The following F13A1 variants were observed in gnomAD, a reference collection of about 807,000 sequenced individuals.
F13A1 encodes coagulation factor XIII A chain.
A neutral mutation model predicts 80.1 loss-of-function variants in F13A1; 47 were observed. The ratio of observed to expected loss-of-function variants is 0.59; its 90% CI spans 0.46 to 0.75. The LOEUF is 0.75. F13A1 is among the 30% of genes least tolerant of loss of function. The pLI is 0.00. For synonymous variants in F13A1, 349 were observed against 344.9 expected (o/e 1.01, Z -0.13); for missense variants, 817 against 930.4 (o/e 0.88, Z 1.59).
At chr6:6,229,548 A>T (rs1029103267) in intron 6 of F13A1, among the ~76,000 whole-genome samples, 2 of 152,238 alleles carry the variant, frequency 1.3e-5, no homozygotes, top group African/African-American at 4.8e-5. Flanking sequence ...AAGGATGATT[A>T]GTGTCCTTAA....
chr6:6,247,684 A>G (rs1212236680), intron 6 of F13A1, among the ~76,000 whole-genome samples: 1 of 152,208 alleles, frequency 6.6e-6, no homozygotes, highest in Non-Finnish European at 1.5e-5. Context: ...AAATGTCTAG[A>G]TTTGAAGTCA....
chr6:6,320,053 G>C (rs1424794356), intron 1 of F13A1, among the ~76,000 whole-genome samples: 1 of 152,204 alleles, frequency 6.6e-6, no homozygotes, highest in Non-Finnish European at 1.5e-5. Context: ...AGCCCCAGGT[G>C]CACGCCTGGC....
intron 7 of F13A1, among the ~76,000 whole-genome samples, chr6:6,223,018 G>T (rs577070836): frequency 6.6e-6 from 1 of 152,178 alleles, no homozygotes; most frequent in East Asian, 1.9e-4. Context: ...GTTCACCCAG[G>T]GTCTTATCAA....
intron 5 of F13A1, among the ~76,000 whole-genome samples, 169 bp from the exon 6 acceptor site, chr6:6,248,588 C>A (rs1449676071): frequency 6.6e-6 from 1 of 152,186 alleles, no homozygotes; most frequent in Non-Finnish European, 1.5e-5. Context: ...AGGAATGAGA[C>A]ATCTTCTTTT....
At chr6:6,219,636 T>A (rs962438772) in intron 8 of F13A1, among the ~76,000 whole-genome samples, 11 of 152,160 alleles carry the variant, frequency 7.2e-5, no homozygotes, top group African/African-American at 2.2e-4. Context: ...GGCTGATCTG[T>A]CTGGGGACAG....
intron 3 of F13A1, among the ~76,000 whole-genome samples, chr6:6,301,664 T>C (rs542654707): frequency 1.1e-4 from 17 of 152,318 alleles, no homozygotes; most frequent in African/African-American, 4.1e-4. Flanking sequence ...AAAGAGGACT[T>C]AAAATGTTCA....
At chr6:6,306,653 G>A (rs922566125) in intron 2 of F13A1, among the ~76,000 whole-genome samples, 5 of 152,236 alleles carry the variant, frequency 3.3e-5, no homozygotes, top group Non-Finnish European at 7.3e-5. Context: ...AAGAGTTATT[G>A]GGGAGAAGGT....
Position 6,174,823 on chromosome 6 carries a change from C to T in F13A1, c.1504G>A (p.Gly502Arg), listed in dbSNP as rs121913068. Reference sequence around the variant, plus strand: ...TCTGTGTTGAGGGGCTTTTTAGCTCCGTACATCAGGGCAGTTTCTAGGGCC... The same window carrying T: ...TCTGTGTTGAGGGGCTTTTTAGCTCTGTACATCAGGGCAGTTTCTAGGGCC... ...RLALETALMYGAKKPLNTEGV... is the reference protein window; with the variant it reads ...RLALETALMYRAKKPLNTEGV... Residue 502 changes from glycine (G) to arginine (R), a missense_variant, in exon 12 of 15, where the codon GGA becomes AGA. Gly to Arg is a moderately radical substitution (Grantham distance 125). Coordinates refer to ENST00000264870, the MANE Select transcript of F13A1 (RefSeq NM_000129.4). The T allele has an allele frequency of 1.9e-5, 30 of 1,613,992 alleles. No homozygotes were observed. Among genetic ancestry groups the T allele is most frequent in the African/African-American group, 5.3e-5 (4 of 74,900 alleles).
intron 9 of F13A1, 48 bp downstream of exon 9, chr6:6,197,175 C>A (rs1296013494): frequency 6.3e-7 from 1 of 1,576,110 alleles, no homozygotes; most frequent in Non-Finnish European, 8.7e-7. Context: ...AAAAGCAAAA[C>A]AAAGATCAGC....
Position 6,182,121 on chromosome 6 carries a change from G to A in F13A1, c.1326C>T (p.Tyr442=), listed in dbSNP as rs121913066. The part of the protein sequence containing the change: ...VFAEVNSDLI[Y]ITAKKDGTHV... Reference sequence around the variant, plus strand: ...GAGTGCCATCTTTCTTAGCTGTAATGTAAATGAGGTCGCTGTTGACCTGGA... The same window carrying A: ...GAGTGCCATCTTTCTTAGCTGTAATATAAATGAGGTCGCTGTTGACCTGGA... The change falls in exon 11 of 15, where the codon TAC becomes TAT. Residue 442 remains tyrosine (Y), a synonymous_variant. Transcript: ENST00000264870. 2.5e-6 allele frequency: 4 copies of A among 1,614,042 alleles called. No homozygotes were observed. Among genetic ancestry groups the A allele is most frequent in the Non-Finnish European group, 3.4e-6 (4 of 1,180,024 alleles).
chr6:6,299,510 C>T (rs376173681), intron 3 of F13A1, among the ~76,000 whole-genome samples: 1 of 130,854 alleles, frequency 7.6e-6, no homozygotes, highest in Admixed American at 7.5e-5. Context: ...CATCTTCCAT[C>T]GCTGATACCC....
At chr6:6,191,717 C>G (rs1207913494) in intron 10 of F13A1, among the ~76,000 whole-genome samples, 1 of 152,220 alleles carries the variant, frequency 6.6e-6, no homozygotes, top group Non-Finnish European at 1.5e-5. Context: ...TTATTTGTTT[C>G]CAAGTGGAGA....
At chr6:6,312,361 T>C (rs573209200) in intron 2 of F13A1, among the ~76,000 whole-genome samples, 2 of 151,966 alleles carry the variant, frequency 1.3e-5, no homozygotes, top group South Asian at 2.1e-4. Flanking sequence ...AAAACTTTCC[T>C]GTATAATCTC....
At chr6:6,285,458 A>G (rs1758124475) in intron 3 of F13A1, among the ~76,000 whole-genome samples, 1 of 152,268 alleles carries the variant, frequency 6.6e-6, no homozygotes, top group Non-Finnish European at 1.5e-5. Flanking sequence ...CAGTGCAGAG[A>G]AGGAGCATCC....
chr6:6,165,161 G>A (rs2151072105), intron 13 of F13A1, among the ~76,000 whole-genome samples: 1 of 152,266 alleles, frequency 6.6e-6, no homozygotes, highest in African/African-American at 2.4e-5. Context: ...CCTATCAAAT[G>A]TCCCTACCTC....
chr6:6,192,910 A>AG (rs548888173), intron 10 of F13A1, among the ~76,000 whole-genome samples: 170 of 152,326 alleles, frequency 1.1e-3, no homozygotes, highest in African/African-American at 3.8e-3. Context: ...TTTGGCAAGA[A>AG]GGAGAGAGTT....
chr6:6,205,854 G>A (rs1761478127), intron 8 of F13A1, among the ~76,000 whole-genome samples: 1 of 152,076 alleles, frequency 6.6e-6, no homozygotes, highest in Non-Finnish European at 1.5e-5. Context: ...GAAAGTAGAT[G>A]CCACCCCATC....
At chr6:6,294,773 T>C (rs900086656) in intron 3 of F13A1, among the ~76,000 whole-genome samples, 3 of 151,852 alleles carry the variant, frequency 2.0e-5, no homozygotes, top group African/African-American at 7.3e-5. Flanking sequence ...CTTTAAGTTT[T>C]AGGGTACATG....
intron 13 of F13A1, among the ~76,000 whole-genome samples, chr6:6,152,256 C>T (rs903201776): frequency 1.3e-5 from 2 of 152,168 alleles, no homozygotes; most frequent in Non-Finnish European, 2.9e-5. Context: ...GGTGTGGCAA[C>T]ACGTTTCCAC....
Sources: gnomAD v4.1 joint callset for allele counts (sites outside exome capture counted in the v4.1 genomes callset) on GRCh38, gnomAD v4.1.1 for gene constraint, MANE v1.5 for transcripts, NCBI Gene and HGNC (gene_info 2026-07-23, HGNC 2026-07-21) for gene names.